The following PID1 variants were observed in gnomAD, a reference collection of about 807,000 sequenced individuals.
PID1 encodes the protein PTB-containing, cubilin and LRP1-interacting protein.
A neutral mutation model predicts 19.1 loss-of-function variants in PID1; 10 were observed. That is an observed-to-expected ratio of 0.52 (90% CI 0.32 to 0.89). The LOEUF (loss-of-function observed/expected upper bound fraction) is 0.89, where lower values mean the gene tolerates loss of function less well. Ranked by LOEUF, PID1 falls within the 40% of genes least tolerant of loss-of-function variation. The pLI, the probability that PID1 is intolerant of heterozygous loss-of-function variation, is 0.03. For synonymous variants in PID1, 130 were observed against 116.0 expected (o/e 1.12, Z -0.78); for missense variants, 248 against 285.3 (o/e 0.87, Z 0.94).
Position 229,190,944 on chromosome 2 carries a change from T to C in PID1, c.31-34980A>G, listed in dbSNP as rs568746412. 2.6e-5 allele frequency among the ~76,000 whole-genome samples: 4 copies of C among 152,238 alleles called. No individual in the cohort carries two copies. The East Asian group carries it at 7.7e-4, about 29-fold the overall frequency. ...ATTTTTCTTATGTGTAAACCACAGA[T>C]AAAACAACAGTATATAAACCATTAT... On this transcript the variant is annotated intron_variant, in intron 1 of 2. Coordinates refer to ENST00000392055, the MANE Select transcript of PID1 (RefSeq NM_001100818.2).
intron 1 of PID1, among the ~76,000 whole-genome samples, chr2:229,218,928 C>T (rs55894501): frequency 0.16 from 23,868 of 151,910 alleles, 2,168 homozygotes; most frequent in Admixed American, 0.25. Flanking sequence ...CTTTGTAGAC[C>T]CTCTTAAAGT....
At chr2:229,148,396 C>T (rs1176041443) in intron 2 of PID1, among the ~76,000 whole-genome samples, 2 of 152,128 alleles carry the variant, frequency 1.3e-5, no homozygotes, top group African/African-American at 4.8e-5. Context: ...CTTCAGCTAC[C>T]CCTGGAGCCA....
intron 1 of PID1, among the ~76,000 whole-genome samples, chr2:229,251,306 A>G (rs766678892): frequency 5.3e-5 from 8 of 152,162 alleles, no homozygotes; most frequent in Non-Finnish European, 8.8e-5. Flanking sequence ...TAGGAAATGT[A>G]GAATGCACAG....
intron 2 of PID1, among the ~76,000 whole-genome samples, chr2:229,139,039 G>GAA (rs879704273): frequency 0.021 from 1,021 of 48,008 alleles, 53 homozygotes; most frequent in East Asian, 0.059. Flanking sequence ...AAGAAAGAAA[G>GAA]AGAAAGAAAG....
intron 1 of PID1, among the ~76,000 whole-genome samples, chr2:229,258,128 C>A (rs756826617): frequency 3.3e-4 from 50 of 152,190 alleles, no homozygotes; most frequent in Non-Finnish European, 4.7e-4. Flanking sequence ...TCTCAGAGGA[C>A]TGAGCCAGAT....
At chr2:229,086,253 TTAAA>T (rs1694764870) in intron 2 of PID1, among the ~76,000 whole-genome samples, 1 of 152,144 alleles carries the variant, frequency 6.6e-6, no homozygotes, top group Non-Finnish European at 1.5e-5. Flanking sequence ...CAAAAATGTA[TTAAA>T]TACATCTAAC....
At chr2:229,107,106 A>G (rs1159034372) in intron 2 of PID1, among the ~76,000 whole-genome samples, 1 of 152,158 alleles carries the variant, frequency 6.6e-6, no homozygotes, top group African/African-American at 2.4e-5. Context: ...TCATACTTCC[A>G]TGACCCAAGA....
chr2:229,071,016 G>T (rs1216699820), intron 2 of PID1, among the ~76,000 whole-genome samples: 5 of 152,106 alleles, frequency 3.3e-5, no homozygotes. Context: ...TCTATATTTA[G>T]ATTATATCCC....
At chr2:229,210,552 A>AAC (rs1691710747) in intron 1 of PID1, among the ~76,000 whole-genome samples, 3 of 95,542 alleles carry the variant, frequency 3.1e-5, no homozygotes, top group African/African-American at 9.4e-5. Context: ...AAAAAAAAAA[A>AAC]AACAACCTAG....
intron 1 of PID1, among the ~76,000 whole-genome samples, chr2:229,163,650 A>AGT (rs796992081): frequency 0.011 from 1,589 of 141,048 alleles, 31 homozygotes; most frequent in African/African-American, 0.037. Context: ...AGAGAGAGAG[A>AGT]GTGTGTGTGT....
At chr2:229,231,732 T>C (rs1046307273) in intron 1 of PID1, among the ~76,000 whole-genome samples, 2 of 152,118 alleles carry the variant, frequency 1.3e-5, no homozygotes, top group Non-Finnish European at 2.9e-5. Flanking sequence ...TGGTCAGTTC[T>C]CTCCCATAAT....
chr2:229,156,062 T>C, intron 1 of PID1, 98 bp from the exon 2 acceptor site: 1 of 1,099,308 alleles, frequency 9.1e-7, no homozygotes, highest in Non-Finnish European at 1.3e-6. Context: ...TTTTATTGAC[T>C]CTGTTCTATT....
intron 2 of PID1, among the ~76,000 whole-genome samples, chr2:229,101,875 T>C (rs541789708): frequency 1.3e-5 from 2 of 152,316 alleles, no homozygotes; most frequent in Admixed American, 6.5e-5. Flanking sequence ...TATTACATGT[T>C]ACAGGGAAGT....
chr2:229,169,743 A>G (rs1302723768), intron 1 of PID1, among the ~76,000 whole-genome samples: 1 of 152,164 alleles, frequency 6.6e-6, no homozygotes, highest in East Asian at 1.9e-4. Context: ...CAGATATATT[A>G]ACCCTATCCT....
chr2:229,157,786 T>C (rs1165705382), intron 1 of PID1, among the ~76,000 whole-genome samples: 1 of 152,200 alleles, frequency 6.6e-6, no homozygotes, highest in Non-Finnish European at 1.5e-5. Context: ...CATGGAATCC[T>C]ATCACATCCT....
intron 2 of PID1, among the ~76,000 whole-genome samples, chr2:229,127,869 G>GT (rs1280914781): frequency 6.6e-6 from 1 of 152,136 alleles, no homozygotes; most frequent in Non-Finnish European, 1.5e-5. Flanking sequence ...GTTCCTATCT[G>GT]TCTGTCTGTC....
At chr2:229,270,502 A>G (rs960728142) in intron 1 of PID1, among the ~76,000 whole-genome samples, 3 of 152,216 alleles carry the variant, frequency 2.0e-5, no homozygotes, top group African/African-American at 7.2e-5. Flanking sequence ...TTTAAGGAAG[A>G]TAAAGGGAGA....
intron 1 of PID1, among the ~76,000 whole-genome samples, chr2:229,174,705 C>T (rs1411600675): frequency 8.9e-5 from 12 of 135,498 alleles, no homozygotes; most frequent in African/African-American, 3.4e-4. Flanking sequence ...AAGCTTCCTC[C>T]CACTGAAAAT....
At chr2:229,158,268 T>C (rs1377734199) in intron 1 of PID1, among the ~76,000 whole-genome samples, 1 of 152,228 alleles carries the variant, frequency 6.6e-6, no homozygotes, top group Non-Finnish European at 1.5e-5. Context: ...TTTCTTCTGC[T>C]TTTTGAATAA....
Sources: allele counts gnomAD v4.1 joint callset (sites outside exome capture counted in the v4.1 genomes callset), GRCh38; gene constraint gnomAD v4.1.1; transcripts MANE v1.5; gene names NCBI Gene and HGNC (gene_info 2026-07-23, HGNC 2026-07-21).